EEPD1: variants seen among roughly 807,000 people sequenced by gnomAD.
The protein encoded by EEPD1 is endonuclease/exonuclease/phosphatase family domain-containing protein 1.
Under a neutral mutation model 46.3 loss-of-function variants are expected in EEPD1, and 17 were observed. That is an observed-to-expected ratio of 0.37 (90% CI 0.25 to 0.55). The LOEUF is 0.55. EEPD1 is among the 20% of genes least tolerant of loss of function. EEPD1 has a pLI of 0.83. For missense variants in EEPD1, 673 were observed against 745.6 expected (o/e 0.90, Z 1.13); for synonymous variants, 313 against 315.6 (o/e 0.99, Z 0.09).
At chr7:36,259,994 C>T (rs1265735252) in intron 3 of EEPD1, among the ~76,000 whole-genome samples, 1 of 152,206 alleles carries the variant, frequency 6.6e-6, no homozygotes, top group Admixed American at 6.5e-5. Flanking sequence ...TCCCATGTAG[C>T]TCCTTTGTGC....
intron 2 of EEPD1, among the ~76,000 whole-genome samples, chr7:36,215,674 G>A (rs1376787105): frequency 1.3e-5 from 2 of 152,218 alleles, no homozygotes; most frequent in Non-Finnish European, 2.9e-5. Context: ...AGTCTGTTCT[G>A]CACTGTTGAG....
chr7:36,283,622 T>C (rs1477471795), intron 4 of EEPD1, among the ~76,000 whole-genome samples: 1 of 152,150 alleles, frequency 6.6e-6, no homozygotes, highest in Non-Finnish European at 1.5e-5. Context: ...CCAGGTCTTC[T>C]CGTTCTCAAA....
At chr7:36,249,277 T>C (rs554646691) in intron 3 of EEPD1, among the ~76,000 whole-genome samples, 185 of 152,144 alleles carry the variant, frequency 1.2e-3, no homozygotes, top group African/African-American at 4.0e-3. Flanking sequence ...AATGGTGAAG[T>C]TGTGTTGAAA....
Position 36,242,683 on chromosome 7 carries a change from GAGGCCA to G in EEPD1, c.930+3651_930+3656del, listed in dbSNP as rs764496630. 7.8e-4 allele frequency among the ~76,000 whole-genome samples: 118 copies of G among 151,720 alleles called. 2 individuals carry two copies. The South Asian group carries it at 0.024, about 31-fold the overall frequency. Reference sequence around the variant, plus strand: ...TACACCTGTAATCTCAGCACTTTGGGAGGCCAAGGTGGGTGGATCACCTGAGGTCGG... The same window carrying G: ...TACACCTGTAATCTCAGCACTTTGGGAGGTGGGTGGATCACCTGAGGTCGG... On this transcript the variant is annotated intron_variant, in intron 3 of 7. Transcript: ENST00000242108.
intron 2 of EEPD1, among the ~76,000 whole-genome samples, chr7:36,224,574 C>A (rs1786200365): frequency 6.6e-6 from 1 of 152,108 alleles, no homozygotes. Flanking sequence ...GTGGCATCCT[C>A]AGTATACAGC....
chr7:36,208,453 G>A (rs1412035012), intron 2 of EEPD1, among the ~76,000 whole-genome samples: 1 of 152,246 alleles, frequency 6.6e-6, no homozygotes, highest in Non-Finnish European at 1.5e-5. Flanking sequence ...TTCAGGCCCA[G>A]TGGCTTTGAC....
rs1473753408 is a variant in EEPD1 at position 36,167,977 on chromosome 7, T to TG, written c.878+12776dup. Among the ~76,000 whole-genome samples the TG allele has an allele frequency of 3.3e-5, 5 of 152,168 alleles. No individual in the cohort carries two copies. The East Asian group carries it at 9.7e-4, about 30-fold the overall frequency. On this transcript the variant is annotated intron_variant, in intron 2 of 7. Transcript: ENST00000242108. ...TGCTGTGGAAGGGCGAGATTCAGAG[T>TG]GACCCCTGTGAAGCCAACCCAAGTG...
chr7:36,247,122 CAAAAAAAAAAAA>C (rs35947069), intron 3 of EEPD1, among the ~76,000 whole-genome samples: 1 of 107,232 alleles, frequency 9.3e-6, no homozygotes, highest in Admixed American at 9.4e-5. Context: ...GACTCCATCT[CAAAAAAAAAAAA>C]AAAAAGAAAA....
chr7:36,158,450 G>A (rs200604709), intron 2 of EEPD1, among the ~76,000 whole-genome samples: 3 of 152,306 alleles, frequency 2.0e-5, no homozygotes, highest in East Asian at 1.9e-4. Context: ...GCTTTAGTAG[G>A]TGTGTTTTCT....
chr7:36,295,847 A>G (rs1583482931), intron 6 of EEPD1, among the ~76,000 whole-genome samples: 2 of 152,184 alleles, frequency 1.3e-5, no homozygotes, highest in South Asian at 2.1e-4. Flanking sequence ...CCTGGCCAAC[A>G]TGGTTAAGCC....
At chr7:36,195,260 A>G (rs1288201408) in intron 2 of EEPD1, among the ~76,000 whole-genome samples, 1 of 152,186 alleles carries the variant, frequency 6.6e-6, no homozygotes, top group Non-Finnish European at 1.5e-5. Context: ...GGATTTACTC[A>G]TGGGAGACAT....
In EEPD1 at chr7:36,162,600, T is replaced by C. The variant is rs146719826; in HGVS notation, c.878+7398T>C. On this transcript the variant is annotated intron_variant, in intron 2 of 7. Transcript: ENST00000242108. ...TGGAGGTTGCAGTGAGCTGAGATTG[T>C]GCCACTGCACTCCAGCCTGAGCACA... Among the ~76,000 whole-genome samples the C allele has an allele frequency of 4.0e-3, 606 of 152,122 alleles. 6 individuals carry two copies. Among genetic ancestry groups the C allele is most frequent in the African/African-American group, 0.014 (580 of 41,502 alleles).
At chr7:36,190,799 G>A (rs1420615912) in intron 2 of EEPD1, among the ~76,000 whole-genome samples, 1 of 152,198 alleles carries the variant, frequency 6.6e-6, no homozygotes, top group Non-Finnish European at 1.5e-5. Context: ...ATGTAGCTTG[G>A]TTATCCCAGG....
intron 2 of EEPD1, among the ~76,000 whole-genome samples, chr7:36,162,193 G>A (rs1784909070): frequency 6.6e-6 from 1 of 152,196 alleles, no homozygotes; most frequent in African/African-American, 2.4e-5. Flanking sequence ...TCCTTCTCAT[G>A]AGTGTTGTAC....
At chr7:36,157,890 A>G (rs535188324) in intron 2 of EEPD1, among the ~76,000 whole-genome samples, 15 of 152,138 alleles carry the variant, frequency 9.9e-5, no homozygotes, top group Non-Finnish European at 1.6e-4. Context: ...GTCCTGATTC[A>G]CAGAAATCTC....
chr7:36,174,937 T>G (rs1418136892), intron 2 of EEPD1, among the ~76,000 whole-genome samples: 1 of 152,106 alleles, frequency 6.6e-6, no homozygotes, highest in African/African-American at 2.4e-5. Flanking sequence ...CAAGCCAGAG[T>G]AGGCTCAGAG....
At chr7:36,292,946 T>A (rs953136912) in intron 6 of EEPD1, among the ~76,000 whole-genome samples, 1 of 152,000 alleles carries the variant, frequency 6.6e-6, no homozygotes, top group African/African-American at 2.4e-5. Flanking sequence ...AAAGTGTCAC[T>A]GTTTTCAGAG....
intron 3 of EEPD1, among the ~76,000 whole-genome samples, chr7:36,251,232 G>T (rs757209550): frequency 1.3e-5 from 2 of 152,096 alleles, no homozygotes; most frequent in Non-Finnish European, 2.9e-5. Context: ...ACCTCCAATT[G>T]TGCTGGCATT....
chr7:36,260,502 TATG>T (rs1786903645), intron 3 of EEPD1, among the ~76,000 whole-genome samples: 1 of 152,242 alleles, frequency 6.6e-6, no homozygotes. Context: ...GTATTTCACT[TATG>T]GGCTTCTGAA....
Sources: gnomAD v4.1 joint callset for allele counts (sites outside exome capture counted in the v4.1 genomes callset) on GRCh38, gnomAD v4.1.1 for gene constraint, MANE v1.5 for transcripts, NCBI Gene and HGNC (gene_info 2026-07-23, HGNC 2026-07-21) for gene names.